TCAIM: variants seen among roughly 807,000 people sequenced by gnomAD.
TCAIM encodes T-cell activation inhibitor, mitochondrial.
Under a neutral mutation model 58.6 loss-of-function variants are expected in TCAIM, and 36 were observed. The ratio of observed to expected loss-of-function variants is 0.61; its 90% CI spans 0.47 to 0.81. The LOEUF is 0.81. Ranked by LOEUF, TCAIM falls within the 30% of genes least tolerant of loss-of-function variation. The pLI is 0.00. For missense variants in TCAIM, 466 were observed against 579.6 expected (o/e 0.80, Z 2.01); for synonymous variants, 172 against 193.6 (o/e 0.89, Z 0.93).
chr3:44,368,194 T>C (rs1215729649), intron 5 of TCAIM, among the ~76,000 whole-genome samples: 1 of 152,234 alleles, frequency 6.6e-6, no homozygotes, highest in Non-Finnish European at 1.5e-5. Flanking sequence ...ATAGCTGCTT[T>C]AAAGAGTTAC....
At chr3:44,350,723 C>A (rs1371227957) in intron 1 of TCAIM, among the ~76,000 whole-genome samples, 1 of 152,100 alleles carries the variant, frequency 6.6e-6, no homozygotes, top group African/African-American at 2.4e-5. Flanking sequence ...CCATTATATG[C>A]AGATGATTTT....
intron 4 of TCAIM, 110 bp downstream of exon 4, chr3:44,361,628 A>AAAACTTTGGTG: frequency 1.9e-6 from 2 of 1,044,476 alleles, no homozygotes; most frequent in Admixed American, 6.9e-5. Flanking sequence ...ATAGAAAAAT[A>AAAACTTTGGTG]ATAGCATTTA....
intron 1 of TCAIM, among the ~76,000 whole-genome samples, chr3:44,349,906 C>T (rs1341735370): frequency 6.6e-6 from 1 of 151,984 alleles, no homozygotes; most frequent in Non-Finnish European, 1.5e-5. Flanking sequence ...TGAGATGTTC[C>T]TTGGGCTGGT....
rs1702147509 is a variant in TCAIM, at chr3:44,409,405, T to C, written c.*1723T>C. Reference sequence around the variant, plus strand: ...CCTCAGTAATATGTTTTGAATTGGATTTTTTCTCAGAACTGTTACATAATA... The same window carrying C: ...CCTCAGTAATATGTTTTGAATTGGACTTTTTCTCAGAACTGTTACATAATA... On this transcript the variant is annotated 3_prime_UTR_variant, in exon 11 of 11. Transcript: ENST00000342649. The C allele has an allele frequency of 6.6e-6, 1 of 152,240 alleles. No homozygotes were observed. Among genetic ancestry groups the C allele is most frequent in the Non-Finnish European group, 1.5e-5 (1 of 68,042 alleles). 9.4% of individuals were successfully genotyped at this position (152,240 alleles called of 1,614,324 possible).
At chr3:44,345,449 C>CT (rs1177462565) in intron 1 of TCAIM, among the ~76,000 whole-genome samples, 1 of 152,068 alleles carries the variant, frequency 6.6e-6, no homozygotes, top group Non-Finnish European at 1.5e-5. Flanking sequence ...TGGGCTCTAT[C>CT]TTTGAGTTTT....
chr3:44,376,983 G>A (rs1016031035), intron 5 of TCAIM, among the ~76,000 whole-genome samples: 13 of 152,238 alleles, frequency 8.5e-5, no homozygotes, highest in South Asian at 2.1e-4. Context: ...CCAGCTACTC[G>A]GGAGGCTGAG....
intron 8 of TCAIM, among the ~76,000 whole-genome samples, chr3:44,400,108 T>C (rs777052726): frequency 6.6e-6 from 1 of 152,222 alleles, no homozygotes; most frequent in Non-Finnish European, 1.5e-5. Flanking sequence ...TTACTTTCAT[T>C]TGGAGCATAT....
intron 4 of TCAIM, chr3:44,362,894 G>C (rs1365917081): frequency 6.6e-6 from 1 of 152,408 alleles, no homozygotes; most frequent in African/African-American, 2.4e-5. Flanking sequence ...TGTTAGTCAG[G>C]GTCAAGATTA....
rs192638219 is a variant in TCAIM at position 44,408,682 on chromosome 3, C to G, written c.*1000C>G. The G allele has an allele frequency of 1.3e-5, 2 of 152,256 alleles. No homozygotes were observed. Among genetic ancestry groups the G allele is most frequent in the East Asian group, 3.9e-4 (2 of 5,188 alleles). 9.4% of individuals were successfully genotyped at this position (152,256 alleles called of 1,614,324 possible). On this transcript the variant is annotated 3_prime_UTR_variant, in exon 11 of 11. Transcript: ENST00000342649. ...CCCAAAGAGCTCTAAGAAATAGAATCAAGTGTAAAATGGTTCAGACCATTC... is the reference window on the plus strand; with the variant it reads ...CCCAAAGAGCTCTAAGAAATAGAATGAAGTGTAAAATGGTTCAGACCATTC...
chr3:44,400,953 C>T lies in TCAIM; in HGVS notation c.1119-250C>T, dbSNP rs1575281316. ...TGCATTCTGTCTTTAGCTCTCACAA[C>T]CTCACTGTGCAGCAGGTCACCCCTG... On this transcript the variant is annotated intron_variant, in intron 9 of 10. Transcript: ENST00000342649. The T allele has an allele frequency of 1.2e-5, 6 of 511,452 alleles. No homozygotes were observed. The East Asian group carries it at 2.2e-4, about 19-fold the overall frequency. The allele number at this position is 511,452 out of a possible 1,614,324, so 31.7% of individuals were successfully genotyped here. A position where few individuals can be genotyped will look rare whatever the true frequency, so the allele number is the denominator to read the frequency against.
At chr3:44,340,244 C>A (rs1184010018) in intron 1 of TCAIM, 1 of 152,196 alleles carries the variant, frequency 6.6e-6, no homozygotes, top group African/African-American at 2.4e-5. Flanking sequence ...AGATCTGAAT[C>A]TTCTAGTTGT....
chr3:44,351,621 A>G (rs1416229141), intron 1 of TCAIM, among the ~76,000 whole-genome samples: 2 of 151,822 alleles, frequency 1.3e-5, no homozygotes, highest in Non-Finnish European at 2.9e-5. Flanking sequence ...CAGCCTCCCA[A>G]GTAGCTGGGA....
intron 1 of TCAIM, among the ~76,000 whole-genome samples, chr3:44,341,662 T>G (rs1700856354): frequency 6.6e-6 from 1 of 152,208 alleles, no homozygotes; most frequent in African/African-American, 2.4e-5. Flanking sequence ...CAATATGTTA[T>G]CTGACATTAG....
chr3:44,402,195 A>C (rs1702031494), intron 10 of TCAIM, among the ~76,000 whole-genome samples: 1 of 152,040 alleles, frequency 6.6e-6, no homozygotes. Flanking sequence ...ACTTGAGCCC[A>C]GGAGTTCAAG....
intron 5 of TCAIM, among the ~76,000 whole-genome samples, chr3:44,371,646 T>C (rs1251449099): frequency 6.6e-6 from 1 of 152,164 alleles, no homozygotes; most frequent in Non-Finnish European, 1.5e-5. Context: ...ATATCTCTTA[T>C]CTCCCTAACA....
chr3:44,341,359 T>C (rs1207969560), intron 1 of TCAIM: 2 of 152,202 alleles, frequency 1.3e-5, no homozygotes, highest in East Asian at 3.9e-4. Flanking sequence ...GCTACTTCCA[T>C]CAAAACTTGT....
At chr3:44,388,493 C>A (rs1328718867) in intron 5 of TCAIM, among the ~76,000 whole-genome samples, 1 of 152,124 alleles carries the variant, frequency 6.6e-6, no homozygotes, top group East Asian at 1.9e-4. Context: ...GTGTTGTTTT[C>A]AGTGTATTAT....
chr3:44,392,960 G>A lies in TCAIM; in HGVS notation c.678G>A (p.Leu226=). 6.2e-7 allele frequency: 1 copy of A among 1,611,272 alleles called. No individual in the cohort carries two copies. Among genetic ancestry groups the A allele is most frequent in the Non-Finnish European group, 8.5e-7 (1 of 1,178,854 alleles). The change falls in exon 6 of 11, where the codon TTG becomes TTA. Residue 226 remains leucine (L), a synonymous_variant. Transcript: ENST00000342649. ...TAAAAGATGAACTGTCTCATCAATTGCAACTCTCAGATATCAGGTAAGAAA... is the reference window on the plus strand; with the variant it reads ...TAAAAGATGAACTGTCTCATCAATTACAACTCTCAGATATCAGGTAAGAAA... The part of the protein sequence containing the change: ...DRLKDELSHQ[L]QLSDIRWQRS...
At position 44,357,739 on chromosome 3, in the gene TCAIM, AG is replaced by A; in HGVS notation, c.30del. 1 of 1,613,398 alleles carries A rather than the reference AG, an allele frequency of 6.2e-7. No individual in the cohort carries two copies. The highest frequency in any genetic ancestry group is 8.5e-7 in the Non-Finnish European group (1 of 1,179,790). On this transcript the variant is annotated splice_acceptor_variant, in intron 2 of 10. Coordinates refer to ENST00000342649, the MANE Select transcript of TCAIM (RefSeq NM_173826.4). LOFTEE classifies it high-confidence loss of function. ...AATAACCAGTCCACATCTTTTTAAA[AG>A]GTTATGTCTAGAGAAGATATTTCCA...
Sources: gnomAD v4.1 joint callset for allele counts (sites outside exome capture counted in the v4.1 genomes callset) on GRCh38, gnomAD v4.1.1 for gene constraint, MANE v1.5 for transcripts, NCBI Gene and HGNC (gene_info 2026-07-23, HGNC 2026-07-21) for gene names.